PLCXD3: variants seen among roughly 807,000 people sequenced by gnomAD.
PLCXD3 encodes the protein PI-PLC X domain-containing protein 3.
Under a neutral mutation model 25.5 loss-of-function variants are expected in PLCXD3, and 19 were observed. That is an observed-to-expected ratio of 0.75 (90% CI 0.52 to 1.09). PLCXD3 has a LOEUF of 1.09. Ranked by LOEUF, PLCXD3 falls within the 50% of genes least tolerant of loss-of-function variation. The probability of loss-of-function intolerance (pLI) is 0.00; values close to 1 mark genes in which losing one functional copy is unlikely to be tolerated. For missense variants in PLCXD3, 411 were observed against 388.1 expected (o/e 1.06, Z -0.50); for synonymous variants, 174 against 137.6 (o/e 1.26, Z -1.85).
intron 2 of PLCXD3, among the ~76,000 whole-genome samples, chr5:41,314,208 T>C (rs140974053): frequency 1.3e-5 from 2 of 152,266 alleles, no homozygotes; most frequent in South Asian, 2.1e-4. Context: ...ATAGACATAA[T>C]AGTAAAATCC....
intron 1 of PLCXD3, among the ~76,000 whole-genome samples, chr5:41,384,770 G>T (rs1745584847): frequency 6.6e-6 from 1 of 152,066 alleles, no homozygotes; most frequent in South Asian, 2.1e-4. Flanking sequence ...TAGAGCACAT[G>T]ATTTCTTGAT....
At chr5:41,433,490 A>G (rs1747165462) in intron 1 of PLCXD3, among the ~76,000 whole-genome samples, 1 of 152,098 alleles carries the variant, frequency 6.6e-6, no homozygotes, top group South Asian at 2.1e-4. Context: ...TATTCCCCTC[A>G]ATCATTGCCT....
chr5:41,377,689 G>A lies in PLCXD3; in HGVS notation c.812+4137C>T, dbSNP rs1217825910. On this transcript the variant is annotated intron_variant, in intron 2 of 2. Coordinates refer to ENST00000377801, the MANE Select transcript of PLCXD3 (RefSeq NM_001005473.3). Reference sequence around the variant, plus strand: ...TTTAGAACCATTGGCCAGATCGAAAGCTACGGTACCTAAATCCAGGCTAGA... The same window carrying A: ...TTTAGAACCATTGGCCAGATCGAAAACTACGGTACCTAAATCCAGGCTAGA... Among the ~76,000 whole-genome samples, 3 of 152,184 alleles carry A rather than the reference G, an allele frequency of 2.0e-5. No individual in the cohort carries two copies. In the South Asian group the frequency reaches 6.2e-4, roughly 32 times the overall value.
At position 41,362,815 on chromosome 5, in the gene PLCXD3, C is replaced by G. The variant is rs529988580; in HGVS notation, c.812+19011G>C. Among the ~76,000 whole-genome samples, 145 of 152,262 alleles carry G rather than the reference C, an allele frequency of 9.5e-4. 2 individuals carry two copies. Among genetic ancestry groups the G allele is most frequent in the Non-Finnish European group, 1.5e-4 (10 of 68,020 alleles). ...GTAGTCCAGGAAGAAGAAATAAGGGCAATTCACTTGGTTTAGGGTCATTCT... is the reference window on the plus strand; with the variant it reads ...GTAGTCCAGGAAGAAGAAATAAGGGGAATTCACTTGGTTTAGGGTCATTCT... On this transcript the variant is annotated intron_variant, in intron 2 of 2. Transcript: ENST00000377801.
intron 2 of PLCXD3, among the ~76,000 whole-genome samples, chr5:41,348,327 A>C (rs1027283588): frequency 2.6e-5 from 4 of 152,180 alleles, no homozygotes; most frequent in Admixed American, 1.3e-4. Context: ...GAAAAGAAGT[A>C]ATCATGGTAC....
intron 2 of PLCXD3, among the ~76,000 whole-genome samples, chr5:41,376,024 A>G (rs1195983925): frequency 2.8e-4 from 43 of 152,142 alleles, no homozygotes; most frequent in Non-Finnish European, 2.9e-5. Context: ...CGCTCTTAGC[A>G]CAGTGCCTGG....
At position 41,381,835 on chromosome 5, in the gene PLCXD3, A is replaced by T; in HGVS notation, c.803T>A (p.Ile268Asn). ...TTTTAAAGACACTTACCTTTCTGTG[A>T]TTGTTTCTCTGAGGCCACTTGCCAC... ...KGVASGLRETITERALPAMMQ... is the reference protein window; with the variant it reads ...KGVASGLRETNTERALPAMMQ... The change falls in exon 2 of 3, where the codon ATC (isoleucine) becomes AAC (asparagine). Residue 268 changes from isoleucine to asparagine, a missense_variant. Coordinates refer to ENST00000377801, the MANE Select transcript of PLCXD3 (RefSeq NM_001005473.3). The T allele has an allele frequency of 1.2e-6, 2 of 1,604,636 alleles. No individual in the cohort carries two copies. Among genetic ancestry groups the T allele is most frequent in the Non-Finnish European group, 1.7e-6 (2 of 1,175,998 alleles).
chr5:41,346,418 G>A (rs957609765), intron 2 of PLCXD3, among the ~76,000 whole-genome samples: 31 of 152,128 alleles, frequency 2.0e-4, no homozygotes, highest in African/African-American at 7.5e-4. Context: ...AATGCATGAT[G>A]TCCTCTATCT....
chr5:41,329,438 G>A (rs1477563485), intron 2 of PLCXD3, among the ~76,000 whole-genome samples: 1 of 152,180 alleles, frequency 6.6e-6, no homozygotes, highest in Admixed American at 6.5e-5. Flanking sequence ...CTGAATAAAT[G>A]AACAGGCTTT....
intron 1 of PLCXD3, among the ~76,000 whole-genome samples, chr5:41,433,022 G>A (rs13169647): frequency 0.04 from 6,058 of 152,314 alleles, 183 homozygotes; most frequent in Non-Finnish European, 0.055. Flanking sequence ...CAGCGAGCAG[G>A]TGAGGTCAGA....
At chr5:41,341,956 A>G (rs1580312025) in intron 2 of PLCXD3, among the ~76,000 whole-genome samples, 2 of 152,292 alleles carry the variant, frequency 1.3e-5, no homozygotes, top group Non-Finnish European at 2.9e-5. Context: ...AATTTCCACC[A>G]TCTACAAGAA....
At chr5:41,497,763 T>C (rs1277698446) in intron 1 of PLCXD3, among the ~76,000 whole-genome samples, 1 of 151,798 alleles carries the variant, frequency 6.6e-6, no homozygotes, top group Non-Finnish European at 1.5e-5. Context: ...TTCTCCAAGG[T>C]TGATCACACG....
At chr5:41,484,269 A>C (rs318054) in intron 1 of PLCXD3, among the ~76,000 whole-genome samples, 24,395 of 145,988 alleles carry the variant, frequency 0.17, 3,056 homozygotes, top group Middle Eastern at 0.23. Flanking sequence ...ACACACACAC[A>C]CACTAACTGT....
rs970095241 is a variant in PLCXD3, at chr5:41,353,242, G to A, written c.812+28584C>T. On this transcript the variant is annotated intron_variant, in intron 2 of 2. Transcript: ENST00000377801. ...CGAGTAGCTGGGATTACAGGCGCCCGCCACCATGCTCGGCTAATTTTCTGT... is the reference window on the plus strand; with the variant it reads ...CGAGTAGCTGGGATTACAGGCGCCCACCACCATGCTCGGCTAATTTTCTGT... Among the ~76,000 whole-genome samples, 5 of 151,494 alleles carry A rather than the reference G, an allele frequency of 3.3e-5. No homozygotes were observed. In the South Asian group the frequency reaches 8.3e-4, roughly 25 times the overall value.
At chr5:41,364,271 C>T (rs535593036) in intron 2 of PLCXD3, among the ~76,000 whole-genome samples, 29 of 152,134 alleles carry the variant, frequency 1.9e-4, no homozygotes, top group Non-Finnish European at 3.7e-4. Flanking sequence ...GCTGAGAAAC[C>T]CTGTTCAAGG....
intron 2 of PLCXD3, among the ~76,000 whole-genome samples, chr5:41,367,222 TC>T (rs1177415443): frequency 2.0e-5 from 3 of 151,988 alleles, no homozygotes; most frequent in Non-Finnish European, 4.4e-5. Context: ...CACATTGTCT[TC>T]CACAATGGTT....
intron 1 of PLCXD3, among the ~76,000 whole-genome samples, chr5:41,418,070 G>GA (rs1257649367): frequency 1.3e-5 from 2 of 152,002 alleles, no homozygotes; most frequent in African/African-American, 2.4e-5. Context: ...TTTGTTAGGG[G>GA]AAAAAAATTG....
At chr5:41,392,852 T>C (rs1580346493) in intron 1 of PLCXD3, among the ~76,000 whole-genome samples, 2 of 152,100 alleles carry the variant, frequency 1.3e-5, no homozygotes, top group African/African-American at 4.8e-5. Context: ...TCAGATAAAT[T>C]CAACAAAGAC....
chr5:41,432,561 T>C (rs1427393865), intron 1 of PLCXD3, among the ~76,000 whole-genome samples: 2 of 152,190 alleles, frequency 1.3e-5, no homozygotes, highest in Non-Finnish European at 2.9e-5. Context: ...CTAAAAGTTA[T>C]GTTAAAACTG....
Sources: allele counts gnomAD v4.1 joint callset (sites outside exome capture counted in the v4.1 genomes callset), GRCh38; gene constraint gnomAD v4.1.1; transcripts MANE v1.5; gene names NCBI Gene and HGNC (gene_info 2026-07-23, HGNC 2026-07-21).